Variants in PRKCH observed in about 807,000 individuals in gnomAD.
PRKCH encodes the protein protein kinase C eta type.
PRKCH carries 28 observed loss-of-function variants against 82.5 expected under a neutral mutation model. The ratio of observed to expected loss-of-function variants is 0.34; its 90% confidence interval spans 0.25 to 0.47. PRKCH has a LOEUF of 0.47. Among genes scored for constraint, PRKCH ranks in the 20% least tolerant of loss-of-function variants. The pLI, the probability that PRKCH is intolerant of heterozygous loss-of-function variation, is 1.00. For synonymous variants in PRKCH, 322 were observed against 327.4 expected (o/e 0.98, Z 0.18); for missense variants, 705 against 881.8 (o/e 0.80, Z 2.54).
chr14:61,326,512 ATTT>A (rs2045698520), intron 1 of PRKCH, among the ~76,000 whole-genome samples: 1 of 152,206 alleles, frequency 6.6e-6, no homozygotes, highest in Non-Finnish European at 1.5e-5. Context: ...TGTGGCAATG[ATTT>A]CACAGTTATA....
At chr14:61,449,364 TC>T in intron 5 of PRKCH, 112 bp downstream of exon 5, 2 of 862,418 alleles carry the variant, frequency 2.3e-6, no homozygotes, top group Non-Finnish European at 3.7e-6. Flanking sequence ...CTTCTCCCCG[TC>T]CCCAAACCTC....
chr14:61,412,118 A>G (rs752943007), intron 2 of PRKCH, among the ~76,000 whole-genome samples: 19 of 152,338 alleles, frequency 1.2e-4, no homozygotes, highest in Non-Finnish European at 2.2e-4. Flanking sequence ...CTATCACTCA[A>G]TAGGCAAAAA....
chr14:61,503,420 T>C (rs958486016), intron 10 of PRKCH, among the ~76,000 whole-genome samples: 2 of 152,082 alleles, frequency 1.3e-5, no homozygotes, highest in Non-Finnish European at 2.9e-5. Context: ...GCCCACAGAC[T>C]GGCAGAATCT....
Position 61,274,536 on chromosome 14 carries a change from T to C in PRKCH, c.-19+86868T>C, listed in dbSNP as rs1428892834. ...GCAAAGCCCTGGGCCAGGGCAGTGA[T>C]AAAGAGAGAATTGACTGAAAGTGCA... On this transcript the variant is annotated intron_variant, in intron 1 of 3. Transcript: ENST00000555185. Among the ~76,000 whole-genome samples, 4 of 152,132 alleles carry C rather than the reference T, an allele frequency of 2.6e-5. No individual in the cohort carries two copies. The East Asian group carries it at 7.7e-4, about 29-fold the overall frequency.
At chr14:61,505,395 C>CTTTTTTTTT (rs60304150) in intron 10 of PRKCH, among the ~76,000 whole-genome samples, 36 of 55,760 alleles carry the variant, frequency 6.5e-4, no homozygotes, top group African/African-American at 1.4e-3. Context: ...CTTTTCTTTT[C>CTTTTTTTTT]TTTTTTTTTT....
intron 10 of PRKCH, among the ~76,000 whole-genome samples, chr14:61,509,611 G>A (rs1428408365): frequency 6.6e-6 from 1 of 152,158 alleles, no homozygotes; most frequent in African/African-American, 2.4e-5. Flanking sequence ...TTGGCTGGGT[G>A]TGGTGGCTCA....
chr14:61,209,231 AT>A (rs888027001), intron 1 of PRKCH, among the ~76,000 whole-genome samples: 4 of 150,908 alleles, frequency 2.7e-5, no homozygotes, highest in Admixed American at 1.3e-4. Context: ...TAAGAAATGA[AT>A]TTTTTTTCTT....
intron 1 of PRKCH, chr14:61,322,771 T>C: frequency 3.2e-6 from 1 of 314,856 alleles, no homozygotes; most frequent in Non-Finnish European, 5.9e-6. Flanking sequence ...GGTAAGGAGC[T>C]CCAACTTTCA....
chr14:61,427,676 T>C (rs1275609529), intron 2 of PRKCH, among the ~76,000 whole-genome samples: 1 of 152,138 alleles, frequency 6.6e-6, no homozygotes, highest in Non-Finnish European at 1.5e-5. Context: ...AGCTTCAACC[T>C]TCTGGGCTTA....
chr14:61,436,055 C>A (rs1031922217), intron 2 of PRKCH, among the ~76,000 whole-genome samples: 13 of 152,136 alleles, frequency 8.5e-5, no homozygotes, highest in African/African-American at 3.1e-4. Context: ...GGTCAGGACT[C>A]TCCTCCCATC....
intron 1 of PRKCH, chr14:61,304,407 T>A (rs555370394): frequency 1.3e-5 from 2 of 152,368 alleles, no homozygotes; most frequent in East Asian, 3.9e-4. Context: ...TAGATTTCCC[T>A]GTGCTATCAT....
At chr14:61,202,383 G>A (rs998552167) in intron 1 of PRKCH, among the ~76,000 whole-genome samples, 1 of 152,158 alleles carries the variant, frequency 6.6e-6, no homozygotes, top group Admixed American at 6.5e-5. Context: ...TCAAGGTTTC[G>A]CCTTAAGGGT....
rs544319368 is a variant in PRKCH at position 61,516,435 on chromosome 14, T to G, written c.1434-12640T>G. On this transcript the variant is annotated intron_variant, in intron 10 of 13. Coordinates refer to ENST00000332981, the MANE Select transcript of PRKCH (RefSeq NM_006255.5). ...TGAATTCTGTTTACTTTTAAGATCT[T>G]AGGAAGTTATAATGACTCACACTTG... is the stretch of plus-strand genomic sequence containing the variant. Among the ~76,000 whole-genome samples, 5 of 152,286 alleles carry G rather than the reference T, an allele frequency of 3.3e-5. No homozygotes were observed. In the South Asian group the frequency reaches 1.0e-3, roughly 32 times the overall value.
chr14:61,342,597 C>T (rs1161925827), intron 1 of PRKCH, among the ~76,000 whole-genome samples: 1 of 152,162 alleles, frequency 6.6e-6, no homozygotes, highest in African/African-American at 2.4e-5. Flanking sequence ...CCATTTCCAC[C>T]AGCGGGTTTG....
intron 12 of PRKCH, among the ~76,000 whole-genome samples, chr14:61,539,991 T>G (rs903254368): frequency 1.3e-5 from 2 of 152,246 alleles, no homozygotes; most frequent in East Asian, 3.8e-4. Flanking sequence ...CTCCCTGAAC[T>G]TATTTCTCCC....
At chr14:61,482,241 C>T (rs541040698) in intron 9 of PRKCH, among the ~76,000 whole-genome samples, 1 of 152,262 alleles carries the variant, frequency 6.6e-6, no homozygotes, top group Admixed American at 6.5e-5. Flanking sequence ...GAGTGATCTG[C>T]CCGCCTCAGC....
chr14:61,258,769 A>G (rs575727284), intron 1 of PRKCH, among the ~76,000 whole-genome samples: 4 of 152,298 alleles, frequency 2.6e-5, no homozygotes, highest in African/African-American at 9.6e-5. Flanking sequence ...TGTGGGCTTT[A>G]ATCATTTTAA....
At chr14:61,287,665 G>T (rs2045327119) in intron 1 of PRKCH, among the ~76,000 whole-genome samples, 1 of 151,862 alleles carries the variant, frequency 6.6e-6, no homozygotes, top group Non-Finnish European at 1.5e-5. Context: ...AGCTGAAATT[G>T]TGCCACTGCA....
chr14:61,344,636 C>A (rs1446280136), intron 1 of PRKCH, among the ~76,000 whole-genome samples: 2 of 152,078 alleles, frequency 1.3e-5, no homozygotes, highest in Non-Finnish European at 2.9e-5. Context: ...GCAGGTACGC[C>A]TCGGGTGACA....
Sources: allele counts gnomAD v4.1 joint callset (sites outside exome capture counted in the v4.1 genomes callset), GRCh38; gene constraint gnomAD v4.1.1; transcripts MANE v1.5; gene names NCBI Gene and HGNC (gene_info 2026-07-23, HGNC 2026-07-21).